MUC6: variants seen among roughly 807,000 people sequenced by gnomAD.
MUC6 encodes the protein mucin-6.
In MUC6, 188 loss-of-function variants were observed where a neutral mutation model predicts 201.5. The ratio of observed to expected loss-of-function variants is 0.93; its 90% CI spans 0.83 to 1.05. MUC6 has a LOEUF of 1.05. Ranked by LOEUF, MUC6 falls within the 50% of genes least tolerant of loss-of-function variation. The probability of loss-of-function intolerance (pLI) is 0.00; values close to 1 mark genes in which losing one functional copy is unlikely to be tolerated. For synonymous variants in MUC6, 1,228 were observed against 1,389.4 expected (o/e 0.88, Z 2.58); for missense variants, 2,706 against 3,256.9 (o/e 0.83, Z 4.12).
Position 1,027,730 on chromosome 11 carries a change from G to A in MUC6, c.1936C>T (p.Arg646Trp), listed in dbSNP as rs372936851. The change falls in exon 16 of 33, where the codon CGG becomes TGG. Residue 646 changes from arginine to tryptophan, a missense_variant. By Grantham distance (101) the Arg-to-Trp change is moderately radical. Coordinates refer to ENST00000421673, the MANE Select transcript of MUC6 (RefSeq NM_005961.3). ...CTCCAGCCCCAGAGCAGGACGCCCC[G>A]CAAGGAGCAGGCGTGTACGTAGTCG... ...LGDYVHACSLRGVLLWGWRSS... is the reference protein window; with the variant it reads ...LGDYVHACSLWGVLLWGWRSS... The A allele has an allele frequency of 5.0e-5, 80 of 1,607,288 alleles. No individual in the cohort carries two copies. Among genetic ancestry groups the A allele is most frequent in the Admixed American group, 6.8e-5 (4 of 59,232 alleles).
At chr11:1,036,326 G>A (rs868152224) in intron 1 of MUC6, among the ~76,000 whole-genome samples, 3 of 152,194 alleles carry the variant, frequency 2.0e-5, no homozygotes, top group Non-Finnish European at 2.9e-5. Flanking sequence ...CTCCAGCTGA[G>A]CGTCCTCCCC....
intron 1 of MUC6, among the ~76,000 whole-genome samples, chr11:1,034,320 G>T (rs527493471): frequency 6.6e-6 from 1 of 152,366 alleles, no homozygotes; most frequent in South Asian, 2.1e-4. Context: ...CTTATCCCCA[G>T]TGTAAGCTGA....
intron 1 of MUC6, among the ~76,000 whole-genome samples, chr11:1,036,006 G>A (rs1450828857): frequency 1.3e-5 from 2 of 152,096 alleles, no homozygotes; most frequent in Non-Finnish European, 2.9e-5. Flanking sequence ...CAGGATGTCA[G>A]TCCCTCCTGG....
intron 29 of MUC6, chr11:1,019,789 A>G: frequency 1.6e-6 from 1 of 620,858 alleles, no homozygotes; most frequent in Non-Finnish European, 2.8e-6. Context: ...TGGGCAGCAG[A>G]TGGGGCCCTG....
At position 1,018,232 on chromosome 11, in the gene MUC6, G is replaced by A. The variant is rs113063572; in HGVS notation, c.4569C>T (p.Thr1523=). 1 of 1,389,792 alleles carries A rather than the reference G, an allele frequency of 7.2e-7. No homozygotes were observed. Among genetic ancestry groups the A allele is most frequent in the South Asian group, 1.2e-5 (1 of 85,796 alleles). The allele number at this position is 1,389,792 out of a possible 1,614,324, so 86.1% of individuals were successfully genotyped here. A position where few individuals can be genotyped will look rare whatever the true frequency, so the allele number is the denominator to read the frequency against. The change falls in exon 31 of 33, where the codon ACC becomes ACT. Residue 1523 remains threonine, a synonymous_variant. Transcript: ENST00000421673. ...HSSFSTNKTP[T]SLHSHTSSTH... ...TGGAGGAAGTGTGTGAATGTAGCGA[G>A]GTAGGTGTTTTGTTTGTGCTGAATG...
chr11:1,016,534 G>A lies in MUC6; in HGVS notation c.6267C>T (p.Ser2089=). 1 of 1,412,600 alleles carries A rather than the reference G, an allele frequency of 7.1e-7. No homozygotes were observed. The highest frequency in any genetic ancestry group is 3.0e-5 in the East Asian group (1 of 33,156). 87.5% of individuals were successfully genotyped at this position (1,412,600 alleles called of 1,614,324 possible). ...AGTTCTGAGGCAGCCAAGACGAGGA[G>A]GATATGAAGGAAGAAGAGGCTGTAG... ...STATASSSFI[S]SSSWLPQNSS... The change falls in exon 31 of 33, where the codon TCC becomes TCT. Residue 2089 remains serine, a synonymous_variant. Coordinates refer to ENST00000421673, the MANE Select transcript of MUC6 (RefSeq NM_005961.3).
rs972318407 is a variant in MUC6 at position 1,033,523 on chromosome 11, C to A, written c.53-448G>T. Among the ~76,000 whole-genome samples the A allele has an allele frequency of 2.0e-5, 3 of 151,684 alleles. No individual in the cohort carries two copies. ...GGGGTCTGCGCCAAGGCCCCACAGC[C>A]GGTTCTCCCTGCTCTCGGTGGCTCC... is the stretch of plus-strand genomic sequence containing the variant. On this transcript the variant is annotated intron_variant, in intron 1 of 32. Coordinates refer to ENST00000421673, the MANE Select transcript of MUC6 (RefSeq NM_005961.3). This position sits in a 1 kb window ranked among gnomAD's most constrained non-coding sequence, Gnocchi z 5.6.
At chr11:1,022,908 G>A (rs1220973531) in intron 26 of MUC6, among the ~76,000 whole-genome samples, 4 of 151,770 alleles carry the variant, frequency 2.6e-5, no homozygotes, top group East Asian at 1.9e-4. Flanking sequence ...ATGAATGTGC[G>A]TGAATGTGCA....
intron 27 of MUC6, among the ~76,000 whole-genome samples, 168 bp from the exon 28 acceptor site, chr11:1,020,902 A>G (rs1423522745): frequency 6.6e-6 from 1 of 151,698 alleles, no homozygotes; most frequent in Non-Finnish European, 1.5e-5. Flanking sequence ...CCTTCCCAGG[A>G]TGATTCCCAC....
chr11:1,015,120 G>A (rs1428021883), intron 31 of MUC6, among the ~76,000 whole-genome samples: 1 of 152,250 alleles, frequency 6.6e-6, no homozygotes, highest in Non-Finnish European at 1.5e-5. Context: ...TGGAACGCGA[G>A]GTGAGGTGAG....
intron 29 of MUC6, 24 bp from the exon 30 acceptor site, chr11:1,019,520 C>A (rs771871127): frequency 3.1e-5 from 50 of 1,597,092 alleles, no homozygotes; most frequent in Non-Finnish European, 4.3e-5. Context: ...CCGCCCGGAA[C>A]ATCCCCTTGC....
In MUC6 at chr11:1,036,607, C is replaced by G; in HGVS notation, c.49G>C (p.Ala17Pro). The change falls in exon 1 of 33, where the codon GCT becomes CCT. Residue 17 changes from alanine to proline, a missense_variant. Transcript: ENST00000421673. ...GGCGCCCCTCGACCTCACTCACCAG[C>G]GCTGAGCAGGGCTCCGCAGCAGGAC... ...LLSCCGALLS[A>P]GLANTSYTSP... 1 of 1,548,904 alleles carries G rather than the reference C, an allele frequency of 6.5e-7. No individual in the cohort carries two copies.
At chr11:1,029,016 T>C in intron 11 of MUC6, 30 bp downstream of exon 11, 1 of 1,612,482 alleles carries the variant, frequency 6.2e-7, no homozygotes, top group Non-Finnish European at 8.5e-7. Context: ...GGAGCCCTGC[T>C]GGCAGGGATG....
At chr11:1,035,863 C>T (rs1054746244) in intron 1 of MUC6, among the ~76,000 whole-genome samples, 11 of 152,106 alleles carry the variant, frequency 7.2e-5, no homozygotes, top group Admixed American at 3.9e-4. Context: ...GTGCCTTGGT[C>T]GGCAAGAGGG....
rs752527679 is a variant in MUC6 at position 1,015,757 on chromosome 11, C to T, written c.7039+5G>A. 6.5e-7 allele frequency: 1 copy of T among 1,528,348 alleles called. No individual in the cohort carries two copies. The highest frequency in any genetic ancestry group is 2.1e-5 in the Admixed American group (1 of 48,334). 94.7% of individuals were successfully genotyped at this position (1,528,348 alleles called of 1,614,324 possible). On this transcript the variant is annotated splice_donor_5th_base_variant and intron_variant, in intron 31 of 32. Transcript: ENST00000421673. ...CAGGAGAAGGGCCACAGAGATGCCA[C>T]TTACCGGGTGAGGTGGGCGTAGGTG...
At chr11:1,032,162 T>TG in intron 2 of MUC6, 109 bp from the exon 3 acceptor site, 1 of 1,442,758 alleles carries the variant, frequency 6.9e-7, no homozygotes, top group Non-Finnish European at 9.3e-7. Context: ...GTTTTTGAGT[T>TG]GGGGCCAGGC....
rs1017382012 is a variant in MUC6 at position 1,020,703 on chromosome 11, C to T, written c.3621G>A (p.Thr1207=). 8.1e-6 allele frequency: 13 copies of T among 1,613,218 alleles called. No individual in the cohort carries two copies. Among genetic ancestry groups the T allele is most frequent in the African/African-American group, 2.7e-5 (2 of 74,892 alleles). The change falls in exon 28 of 33, where the codon ACG becomes ACA. Residue 1207 remains threonine, a synonymous_variant. Transcript: ENST00000421673. ...AATTACCTGTGGTGGGCAGCTGCGG[C>T]GTGGTGGGTGGCTGCGGCGTGGTGG... The part of the protein sequence containing the change: ...MPPTTPQPPT[T]PQLPTTGSRP...
rs1473498473 is a variant in MUC6 at position 1,030,258 on chromosome 11, G to A, written c.970C>T (p.His324Tyr). ...ACVKTCSNPQ[H>Y]SCSSSCTFGC... ...AAGGTGCAGGAGCTGGAGCAGCTGT[G>A]CTGCGGGTTGGAGCAGGTCTTCACG... The change falls in exon 8 of 33, where the codon CAC (histidine) becomes TAC (tyrosine). Residue 324 changes from histidine (H) to tyrosine (Y), a missense_variant. Around this residue, in one of 10 missense-constraint regions of MUC6, gnomAD observed 1,850 missense variants for 1,958.3 expected, o/e 0.94. Coordinates refer to ENST00000421673, the MANE Select transcript of MUC6 (RefSeq NM_005961.3). 1 of 1,550,480 alleles carries A rather than the reference G, an allele frequency of 6.4e-7. No individual in the cohort carries two copies. The highest frequency in any genetic ancestry group is 8.7e-7 in the Non-Finnish European group (1 of 1,147,274).
chr11:1,026,241 T>C, intron 20 of MUC6, 86 bp downstream of exon 20: 1 of 1,536,846 alleles, frequency 6.5e-7, no homozygotes, highest in Non-Finnish European at 8.8e-7. Flanking sequence ...CGCCCCCGCC[T>C]CTGGGACAGC....
Sources: allele counts gnomAD v4.1 joint callset (sites outside exome capture counted in the v4.1 genomes callset), GRCh38; gene constraint gnomAD v4.1.1; regional missense constraint gnomAD v4.1.1; non-coding constraint Gnocchi (gnomAD v3.1); transcripts MANE v1.5; gene names NCBI Gene and HGNC (gene_info 2026-07-23, HGNC 2026-07-21).